The following AKT3 variants were observed in gnomAD, a reference collection of about 807,000 sequenced individuals.
AKT3 encodes the protein AKT serine/threonine kinase 3.
In AKT3, 15 loss-of-function variants were observed where a neutral mutation model predicts 65.3. The observed-to-expected ratio is 0.23, with a 90% CI of 0.15 to 0.35. The LOEUF is 0.35. AKT3 is among the 10% of genes least tolerant of loss of function. AKT3 has a pLI of 1.00. For missense variants in AKT3, 243 were observed against 576.5 expected, an observed-to-expected ratio of 0.42 and a Z score of 5.92; for synonymous variants, 206 against 183.8, an observed-to-expected ratio of 1.12 and a Z score of -0.98.
At chr1:243,527,359 A>G (rs1489919597) in intron 12 of AKT3, among the ~76,000 whole-genome samples, 1 of 152,240 alleles carries the variant, frequency 6.6e-6, no homozygotes. Flanking sequence ...TCTCTGAAAG[A>G]TAAGTAGGAA....
At chr1:243,812,472 G>A (rs1180560462) in intron 2 of AKT3, among the ~76,000 whole-genome samples, 2 of 152,204 alleles carry the variant, frequency 1.3e-5, no homozygotes, top group Non-Finnish European at 2.9e-5. Flanking sequence ...ATCACAATGT[G>A]ATACCATCTC....
intron 2 of AKT3, among the ~76,000 whole-genome samples, chr1:243,765,930 C>T (rs1334518269): frequency 6.6e-6 from 1 of 152,138 alleles, no homozygotes; most frequent in Non-Finnish European, 1.5e-5. Context: ...GTGAATTATA[C>T]AATTTTTTGG....
At chr1:243,788,604 A>G (rs1691422244) in intron 2 of AKT3, 1 of 152,294 alleles carries the variant, frequency 6.6e-6, no homozygotes, top group Non-Finnish European at 1.5e-5. Flanking sequence ...TAAAGTGAGT[A>G]ACACAAATTT....
chr1:243,773,980 GGA>G (rs1221418274), intron 2 of AKT3, among the ~76,000 whole-genome samples: 1 of 152,108 alleles, frequency 6.6e-6, no homozygotes, highest in Non-Finnish European at 1.5e-5. Context: ...TACAGGTCTT[GGA>G]GATCTCTTTT....
chr1:243,543,160 G>A (rs1205203431), intron 12 of AKT3, among the ~76,000 whole-genome samples: 2 of 152,132 alleles, frequency 1.3e-5, no homozygotes, highest in Non-Finnish European at 2.9e-5. Context: ...ATTCCCACAT[G>A]GTAGCTCCTG....
chr1:243,695,731 C>G lies in AKT3; in HGVS notation c.47-15G>C. The G allele has an allele frequency of 6.4e-7, 1 of 1,572,820 alleles. No individual in the cohort carries two copies. The highest frequency in any genetic ancestry group is 8.6e-7 in the Non-Finnish European group (1 of 1,163,926). ...TATATATTCTCCTACATGAGGAAAG[C>G]ACGCATGTTAATGCTGAAAAAAATG... On this transcript the variant is annotated splice_polypyrimidine_tract_variant and intron_variant, in intron 2 of 13. Coordinates refer to ENST00000673466, the MANE Select transcript of AKT3 (RefSeq NM_005465.7).
chr1:243,590,753 GA>G (rs370731517), intron 8 of AKT3, among the ~76,000 whole-genome samples: 3 of 151,724 alleles, frequency 2.0e-5, no homozygotes, highest in African/African-American at 7.2e-5. Context: ...TTACAACTGG[GA>G]AAAAAAAGCC....
intron 11 of AKT3, among the ~76,000 whole-genome samples, chr1:243,548,596 C>T (rs990076537): frequency 6.6e-6 from 1 of 152,112 alleles, no homozygotes; most frequent in African/African-American, 2.4e-5. Context: ...AAAATAATAA[C>T]AAAATATGCT....
In AKT3 at chr1:243,502,718, A is replaced by G. The variant is rs1317669723; in HGVS notation, c.*2531T>C. The G allele has an allele frequency of 1.3e-5, 3 of 233,180 alleles. No homozygotes were observed. Among genetic ancestry groups the G allele is most frequent in the Non-Finnish European group, 2.5e-5 (3 of 118,044 alleles). 14.4% of individuals were successfully genotyped at this position (233,180 alleles called of 1,614,324 possible). ...CAAAGCCAAGAAGACACCTTGTGTG[A>G]CACCAATGGAGTCTCAGAGGGTGGA... On this transcript the variant is annotated 3_prime_UTR_variant, in exon 14 of 14. Transcript: ENST00000673466.
downstream of AKT3, among the ~76,000 whole-genome samples, chr1:243,496,139 C>T (rs1297890613): frequency 6.6e-6 from 1 of 152,192 alleles, no homozygotes. Flanking sequence ...AGATAAATAA[C>T]CATTTTGTAC....
intron 2 of AKT3, among the ~76,000 whole-genome samples, chr1:243,768,144 G>A (rs1288713746): frequency 1.3e-5 from 2 of 150,418 alleles, no homozygotes; most frequent in African/African-American, 4.9e-5. Context: ...CAGAAGCTAG[G>A]AGATATACAT....
At chr1:243,727,438 C>T (rs966937880) in intron 2 of AKT3, among the ~76,000 whole-genome samples, 3 of 151,984 alleles carry the variant, frequency 2.0e-5, no homozygotes, top group Non-Finnish European at 4.4e-5. Context: ...CACTACCATG[C>T]GTGGCTAATT....
chr1:243,550,054 G>A (rs1257230750), intron 11 of AKT3, among the ~76,000 whole-genome samples: 1 of 152,126 alleles, frequency 6.6e-6, no homozygotes, highest in Non-Finnish European at 1.5e-5. Flanking sequence ...GAGTGCCAAT[G>A]CAAATTCAAA....
chr1:243,640,735 T>C (rs1365749509), intron 5 of AKT3, among the ~76,000 whole-genome samples: 2 of 152,118 alleles, frequency 1.3e-5, no homozygotes, highest in African/African-American at 2.4e-5. Context: ...GTATAAGCTG[T>C]AGGCAGCTGA....
At chr1:243,722,722 T>C (rs1686986483) in intron 2 of AKT3, among the ~76,000 whole-genome samples, 1 of 152,132 alleles carries the variant, frequency 6.6e-6, no homozygotes, top group African/African-American at 2.4e-5. Flanking sequence ...ATGTCTTCAA[T>C]AAAACATCAA....
intron 4 of AKT3, among the ~76,000 whole-genome samples, chr1:243,663,792 T>G (rs1254133416): frequency 1.3e-5 from 2 of 152,198 alleles, no homozygotes; most frequent in Admixed American, 6.5e-5. Context: ...GGATCAAATA[T>G]AATAACATGT....
At chr1:243,848,616 G>C (rs546204047) in intron 1 of AKT3, among the ~76,000 whole-genome samples, 24 of 152,264 alleles carry the variant, frequency 1.6e-4, no homozygotes, top group African/African-American at 5.8e-4. Context: ...TGGTTGCCTA[G>C]TGATGTATAG....
At position 243,783,677 on chromosome 1, in the gene AKT3, T is replaced by C. The variant is rs1691056830; in HGVS notation, c.46+59448A>G. 2.6e-5 allele frequency among the ~76,000 whole-genome samples: 4 copies of C among 152,232 alleles called. No individual in the cohort carries two copies. The South Asian group carries it at 8.3e-4, about 31-fold the overall frequency. The stretch of plus-strand genomic sequence containing the variant: ...AGCTAGGACATGGGTACTTTAGTGC[T>C]CACTTTATTCTTCTCTATAGTCTTC... On this transcript the variant is annotated intron_variant, in intron 2 of 13. Coordinates refer to ENST00000673466, the MANE Select transcript of AKT3 (RefSeq NM_005465.7).
chr1:243,760,925 G>A (rs757188701), intron 2 of AKT3, among the ~76,000 whole-genome samples: 2 of 152,290 alleles, frequency 1.3e-5, no homozygotes, highest in Admixed American at 6.5e-5. Context: ...TAAATAAGAT[G>A]TCCTCAAACA....
Sources: gnomAD v4.1 joint callset for allele counts (sites outside exome capture counted in the v4.1 genomes callset) on GRCh38, gnomAD v4.1.1 for gene constraint, MANE v1.5 for transcripts, NCBI Gene and HGNC (gene_info 2026-07-23, HGNC 2026-07-21) for gene names.